Variants in PASK observed in about 807,000 individuals in gnomAD.
PASK encodes the protein PAS domain containing serine/threonine kinase.
PASK carries 110 observed loss-of-function variants against 121.0 expected under a neutral mutation model. The observed-to-expected ratio is 0.91, with a 90% CI of 0.78 to 1.06. PASK has a LOEUF of 1.06. Among genes scored for constraint, PASK ranks in the 50% least tolerant of loss-of-function variants. The pLI, the probability that PASK is intolerant of heterozygous loss-of-function variation, is 0.00. For synonymous variants in PASK, 686 were observed against 717.8 expected (o/e 0.96, Z 0.71); for missense variants, 1,643 against 1,702.3 (o/e 0.97, Z 0.61).
intron 1 of PASK, among the ~76,000 whole-genome samples, chr2:241,143,299 T>C (rs1390470963): frequency 1.3e-5 from 2 of 151,834 alleles, no homozygotes; most frequent in Admixed American, 1.3e-4. Flanking sequence ...TCCCAGCACT[T>C]TGGGAGGCTG....
rs746309155 is a variant in PASK at position 241,122,773 on chromosome 2, C to T, written c.3031G>A (p.Gly1011Ser). ...TTGTCCACAGCAGTCCACACGAAGC[C>T]GAAGGCCCCACTGCCCAGCGGGCTC... ...TMSPLGSGAF[G>S]FVWTAVDKEK... Residue 1011 changes from glycine to serine, a missense_variant, in exon 12 of 18, where the codon GGC becomes AGC. Around this residue, in one of 3 missense-constraint regions of PASK, gnomAD observed 453 missense variants for 511.2 expected, o/e 0.89. Coordinates refer to ENST00000234040, the MANE Select transcript of PASK (RefSeq NM_015148.4). The T allele has an allele frequency of 8.7e-6, 14 of 1,614,066 alleles. No homozygotes were observed. The highest frequency in any genetic ancestry group is 2.2e-5 in the East Asian group (1 of 44,896).
Position 241,124,061 on chromosome 2 carries a change from T to C in PASK, c.2792A>G (p.Asp931Gly). Residue 931 changes from aspartate to glycine, a missense_variant, in exon 11 of 18, where the codon GAC (aspartate) becomes GGC (glycine). Physicochemically the swap from Asp to Gly is moderately conservative, Grantham distance 94 (BLOSUM62 -1). Transcript: ENST00000234040. ...TPLFCCWLVK[D>G]LLHSQRDSAA... The stretch of plus-strand genomic sequence containing the variant: ...TGAGTCGCGTTGGCTGTGGAGGAGG[T>C]CTTTCACCAGCCAGCAGCAGAACAG... 1 of 1,611,748 alleles carries C rather than the reference T, an allele frequency of 6.2e-7. No individual in the cohort carries two copies. Among genetic ancestry groups the C allele is most frequent in the South Asian group, 1.1e-5 (1 of 90,970 alleles).
chr2:241,149,908 C>G (rs1443897601), upstream of PASK: 7 of 1,434,388 alleles, frequency 4.9e-6, no homozygotes, highest in Non-Finnish European at 6.4e-6. Flanking sequence ...GCGCAAGTGC[C>G]CCGCACCTGC....
In PASK at chr2:241,115,741, G is replaced by A. The variant is rs112262605; in HGVS notation, c.3073-328C>T. 4.1e-3 allele frequency among the ~76,000 whole-genome samples: 312 copies of A among 75,252 alleles called. 8 individuals are homozygous for A. The highest frequency in any genetic ancestry group is 0.011 in the African/African-American group (162 of 14,202). 49.4% of individuals were successfully genotyped at this position (75,252 alleles called of 152,430 possible). ...GGGCCACCCGGTCCCCAAGCATCCCGTTACACCAGGGGCCACCGGTCCTCA... is the reference window on the plus strand; with the variant it reads ...GGGCCACCCGGTCCCCAAGCATCCCATTACACCAGGGGCCACCGGTCCTCA... On this transcript the variant is annotated intron_variant, in intron 12 of 17. Transcript: ENST00000234040.
At position 241,126,765 on chromosome 2, in the gene PASK, G is replaced by T; in HGVS notation, c.2150C>A (p.Ala717Asp). The T allele has an allele frequency of 6.2e-7, 1 of 1,614,036 alleles. No individual in the cohort carries two copies. Residue 717 changes from alanine (A) to aspartate (D), a missense_variant, in exon 10 of 18, where the codon GCC (alanine) becomes GAC (aspartate). Coordinates refer to ENST00000234040, the MANE Select transcript of PASK (RefSeq NM_015148.4). ...GCTGSSSACYALATDLPGGLE... is the reference protein window; with the variant it reads ...GCTGSSSACYDLATDLPGGLE... ...GCCCCCAGGGAGGTCCGTGGCCAAG[G>T]CATAGCAGGCTGAGGAGCTGCCCGT... is the stretch of plus-strand genomic sequence containing the variant.
At chr2:241,120,158 A>G (rs982374383) in intron 12 of PASK, among the ~76,000 whole-genome samples, 5 of 152,230 alleles carry the variant, frequency 3.3e-5, no homozygotes, top group Admixed American at 3.3e-4. Context: ...TACAGAACTC[A>G]TACAATTTAA....
chr2:241,143,952 T>C (rs2066829865), intron 1 of PASK, among the ~76,000 whole-genome samples: 1 of 152,236 alleles, frequency 6.6e-6, no homozygotes, highest in Non-Finnish European at 1.5e-5. Flanking sequence ...AGGGTGGAAA[T>C]ACAGGAAAAT....
At chr2:241,134,434 A>G (rs1209230135) in intron 8 of PASK, 2 of 152,256 alleles carry the variant, frequency 1.3e-5, no homozygotes, top group African/African-American at 4.8e-5. Context: ...AGTATCTTTT[A>G]AAACAAATGT....
At chr2:241,138,542 C>T (rs1470709350) in intron 5 of PASK, 112 bp downstream of exon 5, 1 of 1,311,100 alleles carries the variant, frequency 7.6e-7, no homozygotes, top group Non-Finnish European at 1.1e-6. Flanking sequence ...CCTCCAGGCT[C>T]CTCATCCTCT....
At chr2:241,123,194 T>C (rs913832776) in intron 11 of PASK, among the ~76,000 whole-genome samples, 15 of 134,466 alleles carry the variant, frequency 1.1e-4, no homozygotes, top group Admixed American at 3.7e-4. Context: ...TTTTTTTTTT[T>C]AGACGGAGTC....
intron 13 of PASK, 37 bp from the exon 14 acceptor site, chr2:241,115,214 A>C (rs1167346482): frequency 6.2e-7 from 1 of 1,614,052 alleles, no homozygotes; most frequent in South Asian, 1.1e-5. Context: ...CTCTACCAAA[A>C]CATCTTCAAG....
intron 12 of PASK, among the ~76,000 whole-genome samples, chr2:241,121,220 A>G (rs2065593903): frequency 6.6e-6 from 1 of 152,218 alleles, no homozygotes; most frequent in South Asian, 2.1e-4. Flanking sequence ...ACTGATGGGT[A>G]TGAGGTTTCT....
chr2:241,142,249 C>T (rs2066734200), intron 2 of PASK, among the ~76,000 whole-genome samples: 2 of 152,200 alleles, frequency 1.3e-5, no homozygotes, highest in Admixed American at 6.5e-5. Context: ...TGCCCCACTT[C>T]CCCATTTTCC....
chr2:241,114,702 T>C (rs1290582029), intron 14 of PASK: 6 of 1,316,624 alleles, frequency 4.6e-6, no homozygotes, highest in East Asian at 3.1e-5. Flanking sequence ...GCCGCACACA[T>C]GCCTTTGAGA....
Position 241,124,093 on chromosome 2 carries a change from G to C in PASK, c.2760C>G (p.Pro920=). 6.2e-7 allele frequency: 1 copy of C among 1,613,742 alleles called. No homozygotes were observed. Residue 920 remains proline (P), a synonymous_variant, in exon 11 of 18, where the codon CCC becomes CCG. Coordinates refer to ENST00000234040, the MANE Select transcript of PASK (RefSeq NM_015148.4). ...FEVRRVELQG[P]TPLFCCWLVK... ...CCAGCCAGCAGCAGAACAGAGGTGT[G>C]GGGCCCTGGAGCTCCACCCGCCTCA...
chr2:241,108,538 A>G lies in PASK; in HGVS notation c.3534-238T>C. 1 of 577,174 alleles carries G rather than the reference A, an allele frequency of 1.7e-6. No individual in the cohort carries two copies. Among genetic ancestry groups the G allele is most frequent in the Non-Finnish European group, 3.1e-6 (1 of 319,738 alleles). 35.8% of individuals were successfully genotyped at this position (577,174 alleles called of 1,614,324 possible). ...CCATCGGGCAGCTCCGAGGCTAATC[A>G]GGAACTTCCTTGTGGACACCAACCA... On this transcript the variant is annotated intron_variant, in intron 15 of 17. Transcript: ENST00000234040. This position sits in a 1 kb window ranked among gnomAD's most constrained non-coding sequence, Gnocchi z 5.2.
chr2:241,125,575 G>A (rs1403590612), intron 10 of PASK, among the ~76,000 whole-genome samples: 8 of 148,556 alleles, frequency 5.4e-5, no homozygotes, highest in Non-Finnish European at 1.2e-4. Flanking sequence ...ACTCCAGCCT[G>A]GGCAACAGAG....
At chr2:241,133,385 C>A (rs2066258945) in intron 8 of PASK, 1 of 373,542 alleles carries the variant, frequency 2.7e-6, no homozygotes, top group Non-Finnish European at 5.2e-6. Context: ...GTCTCTCCAC[C>A]TGGCCTCCCT....
rs564018694 is a variant in PASK at position 241,135,915 on chromosome 2, G to A, written c.1262C>T (p.Thr421Ile). The change falls in exon 8 of 18, where the codon ACC becomes ATC. Residue 421 changes from threonine (T) to isoleucine (I), a missense_variant. Thr to Ile is a moderately conservative substitution (Grantham distance 89). This residue lies in a region of PASK where 1,176 missense variants were observed against 1,162.2 expected (regional missense o/e 1.01). Transcript: ENST00000234040. Reference protein sequence around the residue: ...VGNESGCGERTLDPWQGQDPA... With the variant: ...VGNESGCGERILDPWQGQDPA... ...GTCCTGGCCCTGCCACGGGTCCAAG[G>A]TTCTCTCCCCACACCCACTCTCATT... is the stretch of plus-strand genomic sequence containing the variant. The A allele has an allele frequency of 3.1e-6, 5 of 1,614,182 alleles. No individual in the cohort carries two copies. The South Asian group carries it at 5.5e-5, about 18-fold the overall frequency.
Sources: gnomAD v4.1 joint callset for allele counts (sites outside exome capture counted in the v4.1 genomes callset) on GRCh38, gnomAD v4.1.1 for gene constraint, gnomAD v4.1.1 regional missense constraint, Gnocchi (gnomAD v3.1) non-coding constraint, MANE v1.5 for transcripts, NCBI Gene and HGNC (gene_info 2026-07-23, HGNC 2026-07-21) for gene names.